The following ROS1 variants were observed in gnomAD, a reference collection of about 807,000 sequenced individuals.
The protein encoded by ROS1 is proto-oncogene tyrosine-protein kinase ROS.
ROS1 carries 263 observed loss-of-function variants against 273.5 expected under a neutral mutation model. That is an observed-to-expected ratio of 0.96 (90% CI 0.87 to 1.06). The LOEUF (loss-of-function observed/expected upper bound fraction) is 1.06, where lower values mean the gene tolerates loss of function less well. Among genes scored for constraint, ROS1 ranks in the 50% least tolerant of loss-of-function variants. The pLI is 0.00. For missense variants in ROS1, 2,833 were observed against 2,751.1 expected (o/e 1.03, Z -0.67); for synonymous variants, 1,008 against 954.1 (o/e 1.06, Z -1.04).
intron 35 of ROS1, 29 bp from the exon 36 acceptor site, chr6:117,321,423 A>G: frequency 1.3e-6 from 2 of 1,555,224 alleles, no homozygotes; most frequent in East Asian, 4.6e-5. Flanking sequence ...CATAATTTAC[A>G]AAATAAAATA....
chr6:117,321,069 C>A, intron 36 of ROS1, 190 bp downstream of exon 36: 1 of 540,394 alleles, frequency 1.9e-6, no homozygotes, highest in South Asian at 4.8e-5. Context: ...CTGTATTTTT[C>A]TTAAAACCAC....
chr6:117,385,505 T>C (rs1486668012), intron 16 of ROS1, among the ~76,000 whole-genome samples, 178 bp downstream of exon 16: 1 of 151,568 alleles, frequency 6.6e-6, no homozygotes, highest in Non-Finnish European at 1.5e-5. Context: ...AGGGTGAAAT[T>C]GTGTCTCAAA....
chr6:117,425,725 G>A lies in ROS1; in HGVS notation c.-69C>T. 1 of 1,545,726 alleles carries A rather than the reference G, an allele frequency of 6.5e-7. No individual in the cohort carries two copies. Among genetic ancestry groups the A allele is most frequent in the Non-Finnish European group, 8.8e-7 (1 of 1,132,080 alleles). ...TCCATTTTGCTATATGAATTATTTG[G>A]GCTTCATCACTTCAATTGGAGGAGT... On this transcript the variant is annotated 5_prime_UTR_variant, in exon 1 of 44. Transcript: ENST00000368507.
chr6:117,423,970 C>T (rs1775951563), intron 1 of ROS1, among the ~76,000 whole-genome samples: 1 of 152,104 alleles, frequency 6.6e-6, no homozygotes, highest in African/African-American at 2.4e-5. Context: ...CACACATCAG[C>T]TGTGCCATTC....
At chr6:117,312,425 A>G (rs1775613712) in intron 39 of ROS1, among the ~76,000 whole-genome samples, 1 of 152,116 alleles carries the variant, frequency 6.6e-6, no homozygotes, top group Non-Finnish European at 1.5e-5. Flanking sequence ...CCTAGGGCTA[A>G]TAACTAGGCT....
At position 117,302,328 on chromosome 6, in the gene ROS1, G is replaced by C. The variant is rs147524240; in HGVS notation, c.6552-1191C>G. Among the ~76,000 whole-genome samples, 539 of 152,168 alleles carry C rather than the reference G, an allele frequency of 3.5e-3. 2 individuals carry two copies. Among genetic ancestry groups the C allele is most frequent in the Non-Finnish European group, 5.7e-3 (390 of 67,996 alleles). On this transcript the variant is annotated intron_variant, in intron 42 of 43. Transcript: ENST00000368507. ...TCCCTCTGCCTTCCTGTCTAAGGTA[G>C]TGTCAGGATATATGTTGAGTACGAG...
intron 18 of ROS1, among the ~76,000 whole-genome samples, 162 bp from the exon 19 acceptor site, chr6:117,366,452 T>C (rs899477662): frequency 6.6e-6 from 1 of 152,170 alleles, no homozygotes; most frequent in African/African-American, 2.4e-5. Flanking sequence ...TTTTGTTTCA[T>C]ATTAAGTTGG....
chr6:117,342,810 G>A (rs1020826879), intron 28 of ROS1, among the ~76,000 whole-genome samples: 19 of 152,166 alleles, frequency 1.2e-4, no homozygotes, highest in African/African-American at 4.3e-4. Flanking sequence ...ATTCCTAGAA[G>A]AGGACACTAT....
chr6:117,353,679 A>G lies in ROS1; in HGVS notation c.4127-513T>C, dbSNP rs561601819. On this transcript the variant is annotated intron_variant, in intron 26 of 43. Coordinates refer to ENST00000368507, the MANE Select transcript of ROS1 (RefSeq NM_001378902.1). The stretch of plus-strand genomic sequence containing the variant: ...TACAGCCTTGAAATTCAAAAATATC[A>G]TAACAGAATCAGGAAATTGATTCAA... 2.6e-5 allele frequency among the ~76,000 whole-genome samples: 4 copies of G among 152,380 alleles called. No homozygotes were observed. The South Asian group carries it at 8.3e-4, about 32-fold the overall frequency.
intron 29 of ROS1, among the ~76,000 whole-genome samples, chr6:117,341,857 A>G (rs1777954750): frequency 6.6e-6 from 1 of 152,186 alleles, no homozygotes; most frequent in Non-Finnish European, 1.5e-5. Flanking sequence ...CTCCAGCTCA[A>G]GGATATGGCC....
chr6:117,409,495 T>C (rs1015336611), intron 5 of ROS1, 87 bp downstream of exon 5: 2 of 905,606 alleles, frequency 2.2e-6, no homozygotes, highest in African/African-American at 3.3e-5. Context: ...ATCAAGATGT[T>C]TTGAGAGGTG....
chr6:117,422,123 C>T (rs930618243), intron 1 of ROS1, among the ~76,000 whole-genome samples: 4 of 152,284 alleles, frequency 2.6e-5, no homozygotes, highest in South Asian at 2.1e-4. Context: ...AATCCTCCCA[C>T]CTCAGCCTCC....
intron 1 of ROS1, among the ~76,000 whole-genome samples, chr6:117,424,635 T>TA (rs1023074547): frequency 3.9e-5 from 6 of 151,994 alleles, no homozygotes; most frequent in African/African-American, 1.2e-4. Context: ...ACTAAACTTT[T>TA]AAAAAAATGC....
chr6:117,360,384 C>G lies in ROS1; in HGVS notation c.3388G>C (p.Gly1130Arg). The G allele has an allele frequency of 6.2e-7, 1 of 1,613,170 alleles. No homozygotes were observed. Among genetic ancestry groups the G allele is most frequent in the East Asian group, 2.2e-5 (1 of 44,832 alleles). The change falls in exon 23 of 44, where the codon GGG becomes CGG. Residue 1130 changes from glycine to arginine, a missense_variant. Coordinates refer to ENST00000368507, the MANE Select transcript of ROS1 (RefSeq NM_001378902.1). ...AFQVRAFTSK[G>R]PGPYADVVKS... ...ACAACGTCAGCATATGGTCCTGGCC[C>G]CTTAGATGTAAAGGCCCTAACCTAA...
chr6:117,409,478 T>C, intron 5 of ROS1, 104 bp downstream of exon 5: 1 of 801,650 alleles, frequency 1.2e-6, no homozygotes, highest in African/African-American at 1.7e-5. Flanking sequence ...CATATTGAGA[T>C]GCAGAAATCA....
At chr6:117,288,890 C>G (rs1316525132) in intron 43 of ROS1, 88 bp from the exon 44 acceptor site, 1 of 1,042,622 alleles carries the variant, frequency 9.6e-7, no homozygotes. Flanking sequence ...TATAGCAACA[C>G]CAACTTTACA....
Position 117,394,270 on chromosome 6 carries a change from G to A in ROS1, c.1083C>T (p.Asn361=), listed in dbSNP as rs1197516016. 6.2e-7 allele frequency: 1 copy of A among 1,610,778 alleles called. No homozygotes were observed. The highest frequency in any genetic ancestry group is 8.5e-7 in the Non-Finnish European group (1 of 1,178,838). The stretch of plus-strand genomic sequence containing the variant: ...TTCTCAGGTCAGATACATCAGACAT[G>A]TTGGCAGCCTTCTTCGCCCATATGA... The part of the protein sequence containing the change: ...GTLIWAKKAA[N]MSDVSDLRIF... The change falls in exon 11 of 44, where the codon AAC becomes AAT. Residue 361 remains asparagine (N), a synonymous_variant. Coordinates refer to ENST00000368507, the MANE Select transcript of ROS1 (RefSeq NM_001378902.1).
chr6:117,422,901 C>T (rs141237395), intron 1 of ROS1, among the ~76,000 whole-genome samples: 219 of 151,740 alleles, frequency 1.4e-3, no homozygotes, highest in Non-Finnish European at 2.5e-3. Flanking sequence ...TACATAGATA[C>T]CTAGGAAAAT....
chr6:117,347,436 T>C (rs1325785862), intron 27 of ROS1, among the ~76,000 whole-genome samples: 1 of 152,160 alleles, frequency 6.6e-6, no homozygotes. Flanking sequence ...CTTGCTATAA[T>C]CACTTATGAG....
Sources: gnomAD v4.1 joint callset for allele counts (sites outside exome capture counted in the v4.1 genomes callset) on GRCh38, gnomAD v4.1.1 for gene constraint, MANE v1.5 for transcripts, NCBI Gene and HGNC (gene_info 2026-07-23, HGNC 2026-07-21) for gene names.